The following ZMAT4 variants were observed in gnomAD, a reference collection of about 807,000 sequenced individuals.
The protein encoded by ZMAT4 is zinc finger matrin-type 4.
A neutral mutation model predicts 28.7 loss-of-function variants in ZMAT4; 17 were observed. The observed-to-expected ratio is 0.59, with a 90% CI of 0.41 to 0.89. ZMAT4 has a LOEUF of 0.89. Ranked by LOEUF, ZMAT4 falls within the 40% of genes least tolerant of loss-of-function variation. The probability of loss-of-function intolerance (pLI) is 0.00; values close to 1 mark genes in which losing one functional copy is unlikely to be tolerated. For synonymous variants in ZMAT4, 117 were observed against 109.2 expected, an observed-to-expected ratio of 1.07 and a Z score of -0.44; for missense variants, 240 against 283.8, an observed-to-expected ratio of 0.85 and a Z score of 1.11.
intron 3 of ZMAT4, among the ~76,000 whole-genome samples, chr8:40,735,878 G>C (rs12543459): frequency 0.23 from 34,434 of 152,092 alleles, 4,445 homozygotes; most frequent in East Asian, 0.56. Flanking sequence ...GAGAAAGAAA[G>C]AGGCACGGGG....
intron 4 of ZMAT4, among the ~76,000 whole-genome samples, chr8:40,693,275 C>T (rs369095855): frequency 1.3e-5 from 2 of 152,112 alleles, no homozygotes; most frequent in South Asian, 4.1e-4. Context: ...TGCCATCATG[C>T]CTGGCTAATT....
At chr8:40,701,511 T>A (rs1316591301) in intron 3 of ZMAT4, among the ~76,000 whole-genome samples, 2 of 112,788 alleles carry the variant, frequency 1.8e-5, no homozygotes, top group Non-Finnish European at 3.5e-5. Flanking sequence ...GCAGAATTTT[T>A]TTTTTTTTTT....
intron 2 of ZMAT4, among the ~76,000 whole-genome samples, chr8:40,781,623 G>T (rs533408753): frequency 2.0e-5 from 3 of 149,302 alleles, no homozygotes; most frequent in Non-Finnish European, 4.5e-5. Flanking sequence ...TTAGCCGGGC[G>T]TAGTGGCGGG....
chr8:40,793,190 GA>G (rs1010059814), intron 2 of ZMAT4, among the ~76,000 whole-genome samples: 3 of 152,232 alleles, frequency 2.0e-5, no homozygotes, highest in African/African-American at 7.2e-5. Flanking sequence ...ACCGTGGTGA[GA>G]GGGGGGTACA....
At chr8:40,800,738 G>A (rs187655200) in intron 2 of ZMAT4, among the ~76,000 whole-genome samples, 1 of 152,216 alleles carries the variant, frequency 6.6e-6, no homozygotes, top group Admixed American at 6.5e-5. Context: ...TTTGTGAGAT[G>A]CAGTAAAGCA....
chr8:40,780,329 G>A (rs1328480171), intron 2 of ZMAT4, among the ~76,000 whole-genome samples: 1 of 152,150 alleles, frequency 6.6e-6, no homozygotes, highest in African/African-American at 2.4e-5. Flanking sequence ...TAGTGTTGAC[G>A]ATCTCATGTG....
intron 3 of ZMAT4, among the ~76,000 whole-genome samples, chr8:40,733,635 G>C (rs187474215): frequency 5.2e-4 from 79 of 152,242 alleles, no homozygotes; most frequent in Middle Eastern, 3.4e-3. Context: ...GTTCTTGGTG[G>C]AGCCTTAGGC....
intron 2 of ZMAT4, among the ~76,000 whole-genome samples, chr8:40,812,040 A>G (rs1303739315): frequency 1.3e-5 from 2 of 152,204 alleles, no homozygotes; most frequent in East Asian, 3.8e-4. Context: ...CTGAGGCAGG[A>G]GAATTGCTTG....
chr8:40,565,763 T>TC (rs1803902570), intron 6 of ZMAT4, among the ~76,000 whole-genome samples: 1 of 151,368 alleles, frequency 6.6e-6, no homozygotes, highest in African/African-American at 2.4e-5. Flanking sequence ...GCTACCTTTT[T>TC]TTTTTTTTTT....
chr8:40,602,260 C>T (rs865807231), intron 5 of ZMAT4, among the ~76,000 whole-genome samples: 1 of 152,168 alleles, frequency 6.6e-6, no homozygotes, highest in African/African-American at 2.4e-5. Flanking sequence ...TCTTTATCCA[C>T]TCGATTGATA....
chr8:40,687,559 T>C (rs964232096), intron 4 of ZMAT4, among the ~76,000 whole-genome samples: 6 of 152,194 alleles, frequency 3.9e-5, no homozygotes, highest in African/African-American at 1.4e-4. Context: ...ACACTCTGGA[T>C]GAAACATTTT....
chr8:40,561,873 A>G lies in ZMAT4; in HGVS notation c.674+19292T>C, dbSNP rs1032580320. Among the ~76,000 whole-genome samples the G allele has an allele frequency of 2.0e-5, 3 of 152,140 alleles. No homozygotes were observed. The South Asian group carries it at 6.2e-4, about 32-fold the overall frequency. On this transcript the variant is annotated intron_variant, in intron 6 of 6. Coordinates refer to ENST00000297737, the MANE Select transcript of ZMAT4 (RefSeq NM_024645.3). ...CTTCCAATATGGCCCAGGGAAGCTA[A>G]AAGATTGGACACCCTTGGTAAGGTC...
At chr8:40,803,026 A>C (rs1302161005) in intron 2 of ZMAT4, among the ~76,000 whole-genome samples, 1 of 152,218 alleles carries the variant, frequency 6.6e-6, no homozygotes, top group Non-Finnish European at 1.5e-5. Flanking sequence ...CATACACAAC[A>C]AAAATGAATC....
intron 4 of ZMAT4, among the ~76,000 whole-genome samples, chr8:40,687,366 G>T (rs1020827237): frequency 6.6e-6 from 1 of 152,104 alleles, no homozygotes; most frequent in African/African-American, 2.4e-5. Flanking sequence ...TGACTGTCCC[G>T]GGGAGGGCGG....
chr8:40,784,004 T>A (rs1813956098), intron 2 of ZMAT4, among the ~76,000 whole-genome samples: 1 of 151,878 alleles, frequency 6.6e-6, no homozygotes, highest in South Asian at 2.1e-4. Flanking sequence ...AGAGCGAAAC[T>A]CCATCTCAAA....
chr8:40,757,389 C>A (rs979999356), intron 3 of ZMAT4, among the ~76,000 whole-genome samples: 1 of 152,052 alleles, frequency 6.6e-6, no homozygotes, highest in African/African-American at 2.4e-5. Flanking sequence ...CACAAACACC[C>A]TTTACCTCAT....
At chr8:40,808,364 A>C (rs1283208211) in intron 2 of ZMAT4, 10 of 298,158 alleles carry the variant, frequency 3.4e-5, no homozygotes, top group Middle Eastern at 1.2e-3. Context: ...GTGGTAATGA[A>C]AATGCAGCTT....
chr8:40,644,455 A>G (rs903801737), intron 5 of ZMAT4, among the ~76,000 whole-genome samples: 1 of 152,168 alleles, frequency 6.6e-6, no homozygotes, highest in Non-Finnish European at 1.5e-5. Flanking sequence ...GGGAGCCAAC[A>G]AAAAGAGTTC....
intron 5 of ZMAT4, among the ~76,000 whole-genome samples, chr8:40,616,885 A>T (rs78973174): frequency 2.8e-4 from 27 of 95,070 alleles, no homozygotes; most frequent in African/African-American, 1.3e-3. Flanking sequence ...TTAAAGTATA[A>T]AAAAAAAAAA....
Sources: gnomAD v4.1 joint callset for allele counts (sites outside exome capture counted in the v4.1 genomes callset) on GRCh38, gnomAD v4.1.1 for gene constraint, MANE v1.5 for transcripts, NCBI Gene and HGNC (gene_info 2026-07-23, HGNC 2026-07-21) for gene names.